KLHL26: variants seen among roughly 807,000 people sequenced by gnomAD.
KLHL26 encodes the protein kelch-like protein 26.
In KLHL26, 4 loss-of-function variants were observed where a neutral mutation model predicts 7.1. That is an observed-to-expected ratio of 0.56 (90% CI 0.28 to 1.28). The LOEUF (loss-of-function observed/expected upper bound fraction) is 1.28, where lower values mean the gene tolerates loss of function less well. KLHL26 is among the 50% of genes most tolerant of loss of function. The pLI, the probability that KLHL26 is intolerant of heterozygous loss-of-function variation, is 0.11. For missense variants in KLHL26, 896 were observed against 924.6 expected (o/e 0.97, Z 0.40); for synonymous variants, 465 against 414.1 (o/e 1.12, Z -1.49).
rs143601129 is a variant in KLHL26 at position 18,668,070 on chromosome 19, G to T, written c.673G>T (p.Asp225Tyr). The change falls in exon 3 of 3, where the codon GAC (aspartate) becomes TAC (tyrosine). Residue 225 changes from aspartate (D) to tyrosine (Y), a missense_variant. Coordinates refer to ENST00000300976, the MANE Select transcript of KLHL26 (RefSeq NM_018316.3). ...SNRLQSCAEI[D>Y]LFRAAVRWLQ... ...CCGGCTGCAGAGCTGTGCCGAGATC[G>T]ACCTGTTCCGCGCGGCCGTCCGCTG... The T allele has an allele frequency of 6.2e-7, 1 of 1,606,704 alleles. No individual in the cohort carries two copies.
rs757123519 is a variant in KLHL26 at position 18,668,691 on chromosome 19, C to T, written c.1294C>T (p.Arg432Trp). The T allele has an allele frequency of 2.5e-6, 4 of 1,570,262 alleles. No homozygotes were observed. The highest frequency in any genetic ancestry group is 1.3e-5 in the African/African-American group (1 of 74,180). ...NRAGSLASVE[R>W]YCPRRNEWGY... ...AGCCGGCAGCCTGGCCTCCGTGGAG[C>T]GGTACTGCCCCCGGCGCAATGAGTG... The change falls in exon 3 of 3, where the codon CGG becomes TGG. Residue 432 changes from arginine (R) to tryptophan (W), a missense_variant. Arg to Trp is a moderately radical substitution (Grantham distance 101). Transcript: ENST00000300976.
rs1040017469 is a variant in KLHL26, at chr19:18,645,811, C to CA, written c.83+8690dup. Among the ~76,000 whole-genome samples, 979 of 117,178 alleles carry CA rather than the reference C, an allele frequency of 8.4e-3. 3 individuals carry two copies. The highest frequency in any genetic ancestry group is 0.021 in the African/African-American group (656 of 31,716). 76.9% of individuals were successfully genotyped at this position (117,178 alleles called of 152,430 possible). On this transcript the variant is annotated intron_variant, in intron 1 of 2. Transcript: ENST00000300976. ...TGAGCGACAGAGTGAGACTCTGTAT[C>CA]AAAAAAAAAAAAAAAAGAAGTGATG...
At chr19:18,653,958 C>T (rs1221134866) in intron 1 of KLHL26, among the ~76,000 whole-genome samples, 9 of 99,904 alleles carry the variant, frequency 9.0e-5, no homozygotes, top group South Asian at 4.0e-4. Context: ...CACCCACCCA[C>T]CCATCCATCC....
At position 18,650,363 on chromosome 19, in the gene KLHL26, C is replaced by G. The variant is rs866298142; in HGVS notation, c.83+13226C>G. 6.6e-5 allele frequency among the ~76,000 whole-genome samples: 10 copies of G among 152,310 alleles called. No individual in the cohort carries two copies. The highest frequency in any genetic ancestry group is 2.1e-4 in the South Asian group (1 of 4,828). ...GAGTGTCAAGGTGACTGTGAGATGA[C>G]AGACACGTAGGGGAGCCCCACAGAG... On this transcript the variant is annotated intron_variant, in intron 1 of 2. Transcript: ENST00000300976. This position sits in a 1 kb window ranked among gnomAD's most constrained non-coding sequence, Gnocchi z 4.2.
In KLHL26 at chr19:18,668,791, C is replaced by A. The variant is rs371545654; in HGVS notation, c.1394C>A (p.Ser465Ter). The change falls in exon 3 of 3, where the codon TCG (serine) becomes TAG (stop). Residue 465 changes from serine to a stop codon, truncating the protein, a stop_gained. Transcript: ENST00000300976. LOFTEE classifies it low-confidence loss of function (END_TRUNC). ...GCCTCAGGGGGCCGCCTCTACATCT[C>A]GGGTGGCTACGGGATCTCAGTGGAG... is the stretch of plus-strand genomic sequence containing the variant. The part of the protein sequence containing the change: ...GAASGGRLYI[S>*]GGYGISVEDK... The A allele has an allele frequency of 3.8e-6, 6 of 1,595,768 alleles. No homozygotes were observed. In the African/African-American group the frequency reaches 6.7e-5, roughly 18 times the overall value.
In KLHL26 at chr19:18,656,847, G is replaced by A. The variant is rs2052339629; in HGVS notation, c.84-7414G>A. On this transcript the variant is annotated intron_variant, in intron 1 of 2. Coordinates refer to ENST00000300976, the MANE Select transcript of KLHL26 (RefSeq NM_018316.3). The surrounding 1 kb of genome is among the most constrained non-coding windows in gnomAD (Gnocchi z 4.4). ...GTTCCTGTTTGAAATGATTCGTGAA[G>A]ATGTTGGAGAAAATCAGCATGTCAA... 6.6e-6 allele frequency among the ~76,000 whole-genome samples: 1 copy of A among 152,126 alleles called. No homozygotes were observed. The highest frequency in any genetic ancestry group is 1.5e-5 in the Non-Finnish European group (1 of 68,010).
chr19:18,669,121 C>A lies in KLHL26; in HGVS notation c.1724C>A (p.Thr575Lys), dbSNP rs989235115. 4 of 1,612,924 alleles carry A rather than the reference C, an allele frequency of 2.5e-6. No individual in the cohort carries two copies. The highest frequency in any genetic ancestry group is 3.4e-6 in the Non-Finnish European group (4 of 1,179,968). ...TACAACTGGCGTCTCAACAACGTCA[C>A]GGGCATCGTACAGGTGTACAACACG... ...GGYNWRLNNVTGIVQVYNTDT... is the reference protein window; with the variant it reads ...GGYNWRLNNVKGIVQVYNTDT... Residue 575 changes from threonine to lysine, a missense_variant, in exon 3 of 3, where the codon ACG becomes AAG. Coordinates refer to ENST00000300976, the MANE Select transcript of KLHL26 (RefSeq NM_018316.3).
intron 2 of KLHL26, among the ~76,000 whole-genome samples, chr19:18,664,857 T>G (rs997536462): frequency 1.3e-5 from 2 of 152,018 alleles, no homozygotes; most frequent in African/African-American, 4.8e-5. Context: ...GTGCTGAGAT[T>G]ATAGGCGTGA....
At position 18,667,799 on chromosome 19, in the gene KLHL26, G is replaced by A; in HGVS notation, c.402G>A (p.Gln134=). The change falls in exon 3 of 3, where the codon CAG becomes CAA. Residue 134 remains glutamine, a synonymous_variant. Transcript: ENST00000300976. ...TGACACTGGACCTGGACTGCGTGCAGGACGTGCTGGGCGCGGCCGTGTTCT... is the reference window on the plus strand; with the variant it reads ...TGACACTGGACCTGGACTGCGTGCAAGACGTGCTGGGCGCGGCCGTGTTCT... ...AEVTLDLDCV[Q]DVLGAAVFLQ... 1 of 1,613,430 alleles carries A rather than the reference G, an allele frequency of 6.2e-7. No homozygotes were observed. The highest frequency in any genetic ancestry group is 8.5e-7 in the Non-Finnish European group (1 of 1,179,986).
rs186337441 is a variant in KLHL26 at position 18,647,194 on chromosome 19, G to A, written c.83+10057G>A. On this transcript the variant is annotated intron_variant, in intron 1 of 2. Coordinates refer to ENST00000300976, the MANE Select transcript of KLHL26 (RefSeq NM_018316.3). ...GAAAGCACTCACTTCAACCTGAATCGTGCAGTGCGATCGTCACAGCTGGAC... is the reference window on the plus strand; with the variant it reads ...GAAAGCACTCACTTCAACCTGAATCATGCAGTGCGATCGTCACAGCTGGAC... Among the ~76,000 whole-genome samples, 27 of 152,326 alleles carry A rather than the reference G, an allele frequency of 1.8e-4. No individual in the cohort carries two copies. In the East Asian group the frequency reaches 2.3e-3, roughly 13 times the overall value.
At chr19:18,657,217 CT>C (rs1364446876) in intron 1 of KLHL26, among the ~76,000 whole-genome samples, 2 of 151,380 alleles carry the variant, frequency 1.3e-5, no homozygotes, top group Non-Finnish European at 2.9e-5. Context: ...CTCCCTGTCC[CT>C]GGGTCTCTGT....
intron 2 of KLHL26, among the ~76,000 whole-genome samples, chr19:18,665,185 T>A (rs570423128): frequency 2.6e-4 from 39 of 151,624 alleles, no homozygotes; most frequent in Non-Finnish European, 5.2e-4. Context: ...GCCTCCCGAG[T>A]AGCTGGGACT....
chr19:18,644,354 C>T (rs1203312302), intron 1 of KLHL26, among the ~76,000 whole-genome samples: 1 of 152,216 alleles, frequency 6.6e-6, no homozygotes, highest in African/African-American at 2.4e-5. Context: ...AATCATGCTG[C>T]TATGAACATG....
rs527427585 is a variant in KLHL26 at position 18,660,558 on chromosome 19, G to A, written c.84-3703G>A. 9.3e-4 allele frequency among the ~76,000 whole-genome samples: 141 copies of A among 152,316 alleles called. No homozygotes were observed. In the Middle Eastern group the frequency reaches 0.014, roughly 15 times the overall value. On this transcript the variant is annotated intron_variant, in intron 1 of 2. Transcript: ENST00000300976. The stretch of plus-strand genomic sequence containing the variant: ...CCCTGTCTGGACCAGCCTGAGTAAT[G>A]GGTCCTTCCCCTCCTCCCAGTGGCC...
At chr19:18,665,727 C>A (rs540961309) in intron 2 of KLHL26, among the ~76,000 whole-genome samples, 11 of 152,288 alleles carry the variant, frequency 7.2e-5, no homozygotes, top group Non-Finnish European at 1.2e-4. Context: ...TTTCTCCTCG[C>A]CAGCTGGGGG....
chr19:18,667,891 G>A lies in KLHL26; in HGVS notation c.494G>A (p.Cys165Tyr). 1 of 1,612,592 alleles carries A rather than the reference G, an allele frequency of 6.2e-7. No homozygotes were observed. The highest frequency in any genetic ancestry group is 1.1e-5 in the South Asian group (1 of 91,090). The change falls in exon 3 of 3, where the codon TGC (cysteine) becomes TAC (tyrosine). Residue 165 changes from cysteine to tyrosine, a missense_variant. By Grantham distance (194) the Cys-to-Tyr change is radical. Coordinates refer to ENST00000300976, the MANE Select transcript of KLHL26 (RefSeq NM_018316.3). ...FLKAAMSVET[C>Y]LNIGQMATTF... ...AAGGCGGCCATGAGCGTGGAGACCT[G>A]CCTCAACATCGGCCAGATGGCCACC...
chr19:18,663,311 CA>C (rs756095331), intron 1 of KLHL26, among the ~76,000 whole-genome samples: 45 of 152,184 alleles, frequency 3.0e-4, no homozygotes, highest in Non-Finnish European at 5.3e-4. Context: ...CACCCTTTCC[CA>C]AGGGTCTCTG....
chr19:18,650,899 G>A lies in KLHL26; in HGVS notation c.84-13362G>A, dbSNP rs2052248105. Among the ~76,000 whole-genome samples, 1 of 152,134 alleles carries A rather than the reference G, an allele frequency of 6.6e-6. No homozygotes were observed. Among genetic ancestry groups the A allele is most frequent in the South Asian group, 2.1e-4 (1 of 4,828 alleles). ...CTCAGCGGGGCTTCCTGACCCCTCA[G>A]CCCCGGTAGGAAGCTGGTGTGCACT... is the stretch of plus-strand genomic sequence containing the variant. On this transcript the variant is annotated intron_variant, in intron 1 of 2. Transcript: ENST00000300976. This position sits in a 1 kb window ranked among gnomAD's most constrained non-coding sequence, Gnocchi z 4.2.
At chr19:18,660,055 C>T (rs1268115432) in intron 1 of KLHL26, among the ~76,000 whole-genome samples, 1 of 152,208 alleles carries the variant, frequency 6.6e-6, no homozygotes, top group Non-Finnish European at 1.5e-5. Context: ...CCCAGGGCAA[C>T]CCTTGGAGAT....
Sources: gnomAD v4.1 joint callset for allele counts (sites outside exome capture counted in the v4.1 genomes callset) on GRCh38, gnomAD v4.1.1 for gene constraint, Gnocchi (gnomAD v3.1) non-coding constraint, MANE v1.5 for transcripts, NCBI Gene and HGNC (gene_info 2026-07-23, HGNC 2026-07-21) for gene names.